Variants in SNX6 observed in about 807,000 individuals in gnomAD.
The protein encoded by SNX6 is sorting nexin 6, also known as sorting nexin-6.
A neutral mutation model predicts 63.0 loss-of-function variants in SNX6; 34 were observed. That is an observed-to-expected ratio of 0.54 (90% confidence interval 0.41 to 0.72). The LOEUF (loss-of-function observed/expected upper bound fraction) is 0.72. Among genes scored for constraint, SNX6 ranks in the 30% least tolerant of loss-of-function variants. SNX6 has a pLI of 0.00. For missense variants in SNX6, 398 were observed against 471.4 expected (o/e 0.84, Z 1.44); for synonymous variants, 170 against 164.2 (o/e 1.04, Z -0.27).
At chr14:34,622,727 C>T (rs1883674081) in intron 2 of SNX6, among the ~76,000 whole-genome samples, 1 of 152,140 alleles carries the variant, frequency 6.6e-6, no homozygotes, top group Non-Finnish European at 1.5e-5. Context: ...CACATGCCAT[C>T]CTCCCTGTTG....
chr14:34,567,374 C>G (rs975996748), intron 13 of SNX6, among the ~76,000 whole-genome samples: 9 of 152,068 alleles, frequency 5.9e-5, no homozygotes, highest in African/African-American at 2.2e-4. Flanking sequence ...GTAATCCCAG[C>G]TACTAAGGAG....
At chr14:34,599,773 C>CA (rs58894384) in intron 6 of SNX6, among the ~76,000 whole-genome samples, 57,699 of 129,312 alleles carry the variant, frequency 0.45, 13,422 homozygotes, top group African/African-American at 0.53. Context: ...GACTCTGTCT[C>CA]AAAAAAAAAA....
At chr14:34,582,950 C>A (rs996370786) in intron 9 of SNX6, among the ~76,000 whole-genome samples, 1 of 151,846 alleles carries the variant, frequency 6.6e-6, no homozygotes, top group Non-Finnish European at 1.5e-5. Context: ...CCTATCTCTA[C>A]TAAAAATACA....
chr14:34,590,675 C>A (rs1271319457), intron 8 of SNX6, among the ~76,000 whole-genome samples: 1 of 151,894 alleles, frequency 6.6e-6, no homozygotes, highest in Non-Finnish European at 1.5e-5. Flanking sequence ...AATGGTACAA[C>A]CATTGTGGAA....
chr14:34,601,219 C>CTTTTT (rs77009422), intron 6 of SNX6, among the ~76,000 whole-genome samples: 18 of 142,592 alleles, frequency 1.3e-4, no homozygotes, highest in African/African-American at 1.9e-4. Flanking sequence ...AACCCTATTT[C>CTTTTT]TTTTTTTTTT....
intron 2 of SNX6, among the ~76,000 whole-genome samples, chr14:34,627,988 A>G (rs868729704): frequency 6.6e-6 from 1 of 152,216 alleles, no homozygotes; most frequent in African/African-American, 2.4e-5. Context: ...GAAATTCTAA[A>G]TAATGCCTTT....
intron 8 of SNX6, 28 bp from the exon 9 acceptor site, chr14:34,586,333 A>G (rs2138304955): frequency 7.2e-7 from 1 of 1,390,416 alleles, no homozygotes; most frequent in Non-Finnish European, 1.0e-6. Context: ...AGAATTTAGT[A>G]TACCTATTCA....
chr14:34,567,988 G>A lies in SNX6; in HGVS notation c.947C>T (p.Ser316Leu), dbSNP rs1881265253. The A allele has an allele frequency of 6.2e-7, 1 of 1,611,582 alleles. No homozygotes were observed. Among genetic ancestry groups the A allele is most frequent in the Non-Finnish European group, 8.5e-7 (1 of 1,179,814 alleles). The part of the protein sequence containing the change: ...AKDLLYRRSR[S>L]LVDYENANKA... Reference sequence around the variant, plus strand: ...ATTAGCATTTTCATAATCCACTAGTGACCTAGACCTTCGATACAGGAGATC... The same window carrying A: ...ATTAGCATTTTCATAATCCACTAGTAACCTAGACCTTCGATACAGGAGATC... The change falls in exon 12 of 14, where the codon TCA becomes TTA. Residue 316 changes from serine (S) to leucine (L), a missense_variant. Transcript: ENST00000362031.
chr14:34,588,190 G>C (rs1165236922), intron 8 of SNX6, among the ~76,000 whole-genome samples: 1 of 151,848 alleles, frequency 6.6e-6, no homozygotes, highest in Non-Finnish European at 1.5e-5. Flanking sequence ...TGTATTTTTA[G>C]TAGAGACAGG....
At chr14:34,582,305 T>C (rs1183795342) in intron 9 of SNX6, among the ~76,000 whole-genome samples, 3 of 151,870 alleles carry the variant, frequency 2.0e-5, no homozygotes, top group African/African-American at 7.3e-5. Flanking sequence ...CTAACTTTTG[T>C]ATTTTTAGTA....
At chr14:34,569,572 G>A (rs909765194) in intron 11 of SNX6, among the ~76,000 whole-genome samples, 7 of 151,948 alleles carry the variant, frequency 4.6e-5, no homozygotes, top group Non-Finnish European at 7.4e-5. Flanking sequence ...GACTACAGGC[G>A]TGTGCCACCA....
chr14:34,608,185 A>G (rs762859145), intron 3 of SNX6, 45 bp from the exon 4 acceptor site: 2 of 1,211,112 alleles, frequency 1.7e-6, no homozygotes, highest in African/African-American at 1.5e-5. Flanking sequence ...AATTTACACT[A>G]AAAAGTTTTT....
At chr14:34,567,514 C>G (rs1027739652) in intron 13 of SNX6, among the ~76,000 whole-genome samples, 172 bp downstream of exon 13, 2 of 152,006 alleles carry the variant, frequency 1.3e-5, no homozygotes, top group Non-Finnish European at 2.9e-5. Flanking sequence ...ACAAAAAACC[C>G]AGACCAACTA....
chr14:34,579,544 C>A (rs1242142717), intron 10 of SNX6, among the ~76,000 whole-genome samples: 1 of 151,928 alleles, frequency 6.6e-6, no homozygotes, highest in Non-Finnish European at 1.5e-5. Flanking sequence ...GAGTTTGAGG[C>A]TACAATGAGT....
intron 2 of SNX6, among the ~76,000 whole-genome samples, chr14:34,623,484 A>G (rs1389159031): frequency 6.6e-6 from 1 of 152,190 alleles, no homozygotes; most frequent in African/African-American, 2.4e-5. Context: ...CTAACGTGCT[A>G]TATGGTTTAA....
intron 2 of SNX6, among the ~76,000 whole-genome samples, chr14:34,619,069 G>A (rs1157776209): frequency 6.6e-6 from 1 of 152,028 alleles, no homozygotes; most frequent in Non-Finnish European, 1.5e-5. Context: ...AACCACAACT[G>A]GGCTACAAAA....
At chr14:34,572,289 T>C (rs1881482310) in intron 11 of SNX6, among the ~76,000 whole-genome samples, 1 of 152,182 alleles carries the variant, frequency 6.6e-6, no homozygotes, top group Admixed American at 6.6e-5. Flanking sequence ...CTGGGAACAG[T>C]GGCTCACAAC....
chr14:34,603,605 A>T, intron 5 of SNX6, 134 bp from the exon 6 acceptor site: 1 of 714,620 alleles, frequency 1.4e-6, no homozygotes, highest in Non-Finnish European at 2.1e-6. Flanking sequence ...ATTCATGTAA[A>T]CAAGGTTTTT....
intron 13 of SNX6, among the ~76,000 whole-genome samples, chr14:34,564,174 C>T (rs1160077732): frequency 6.6e-6 from 1 of 151,580 alleles, no homozygotes; most frequent in Non-Finnish European, 1.5e-5. Context: ...ATTACAGGCG[C>T]GTGCCACCAC....
Sources: gnomAD v4.1 joint callset for allele counts (sites outside exome capture counted in the v4.1 genomes callset) on GRCh38, gnomAD v4.1.1 for gene constraint, MANE v1.5 for transcripts, NCBI Gene and HGNC (gene_info 2026-07-23, HGNC 2026-07-21) for gene names.